The following STK32B variants were observed in gnomAD, a reference collection of about 807,000 sequenced individuals.
STK32B encodes the protein serine/threonine kinase 32B, also known as serine/threonine-protein kinase 32B.
A neutral mutation model predicts 52.6 loss-of-function variants in STK32B; 43 were observed. That is an observed-to-expected ratio of 0.82 (90% CI 0.64 to 1.05). STK32B has a LOEUF of 1.05. STK32B is among the 50% of genes least tolerant of loss of function. The probability of loss-of-function intolerance (pLI) is 0.00; values close to 1 mark genes in which losing one functional copy is unlikely to be tolerated. For synonymous variants in STK32B, 238 were observed against 204.3 expected, an observed-to-expected ratio of 1.17 and a Z score of -1.41; for missense variants, 621 against 534.6, an observed-to-expected ratio of 1.16 and a Z score of -1.59.
At chr4:5,028,987 T>C in the STK32B span, among the ~76,000 whole-genome samples, 149 of 152,268 alleles carry the variant, frequency 9.8e-4, 2 homozygotes, top group African/African-American at 3.5e-3. Context: ...GTGCCACACA[T>C]TTTTAAACAA....
In STK32B at chr4:5,348,691, A is replaced by G. The variant is rs570835666; in HGVS notation, c.434+17298A>G. ...ACAGAGCTTTGGCACAGCCACTGCC[A>G]CCTTCACCTGAGCATTCCACCAGAG... On this transcript the variant is annotated intron_variant, in intron 4 of 11. Transcript: ENST00000282908. 7.0e-4 allele frequency among the ~76,000 whole-genome samples: 106 copies of G among 152,254 alleles called. 1 individual carries two copies. In the South Asian group the frequency reaches 0.013, roughly 18 times the overall value.
At chr4:5,192,964 C>T (rs1721341937) in intron 3 of STK32B, among the ~76,000 whole-genome samples, 2 of 152,190 alleles carry the variant, frequency 1.3e-5, no homozygotes, top group South Asian at 4.1e-4. Flanking sequence ...GTGCCCAGTC[C>T]GGCCTTCGGA....
At chr4:5,463,686 C>T (rs1475865072) in intron 9 of STK32B, among the ~76,000 whole-genome samples, 1 of 152,118 alleles carries the variant, frequency 6.6e-6, no homozygotes, top group Non-Finnish European at 1.5e-5. Context: ...ACCACATGCC[C>T]ACCTACAGGG....
chr4:5,067,454 A>G (rs1742465898), intron 1 of STK32B, among the ~76,000 whole-genome samples: 1 of 152,142 alleles, frequency 6.6e-6, no homozygotes, highest in Non-Finnish European at 1.5e-5. Flanking sequence ...AGTGTCTATC[A>G]TTATAGCTGC....
chr4:5,276,181 T>C (rs1727810003), intron 3 of STK32B, among the ~76,000 whole-genome samples: 1 of 151,876 alleles, frequency 6.6e-6, no homozygotes, highest in Non-Finnish European at 1.5e-5. Flanking sequence ...CCTGGCTGCT[T>C]GGGAGGCTTA....
chr4:5,051,956 T>C, intron 1 of STK32B, 41 bp downstream of exon 1: 1 of 1,556,746 alleles, frequency 6.4e-7, no homozygotes, highest in Non-Finnish European at 8.7e-7. Context: ...TCGCGGGGCA[T>C]CCCCTTCCTC....
In STK32B at chr4:5,424,496, C is replaced by T. The variant is rs537848541; in HGVS notation, c.562+7562C>T. Among the ~76,000 whole-genome samples, 21 of 152,314 alleles carry T rather than the reference C, an allele frequency of 1.4e-4. No homozygotes were observed. The East Asian group carries it at 3.5e-3, about 25-fold the overall frequency. ...TCCCCTCTGAAGCCCATAAAAACCCCAAACTGAGCCAGACTGGGGCAGATG... is the reference window on the plus strand; with the variant it reads ...TCCCCTCTGAAGCCCATAAAAACCCTAAACTGAGCCAGACTGGGGCAGATG... On this transcript the variant is annotated intron_variant, in intron 6 of 11. Coordinates refer to ENST00000282908, the MANE Select transcript of STK32B (RefSeq NM_018401.3).
intron 4 of STK32B, among the ~76,000 whole-genome samples, chr4:5,356,725 G>A (rs972305124): frequency 5.3e-5 from 8 of 152,094 alleles, no homozygotes; most frequent in South Asian, 2.1e-4. Flanking sequence ...TGCTGGGCGC[G>A]GTGGCTCACG....
At chr4:5,270,278 C>G in intron 3 of STK32B, among the ~76,000 whole-genome samples, 1 of 152,090 alleles carries the variant, frequency 6.6e-6, no homozygotes, top group East Asian at 1.9e-4. Context: ...AGTTTGAGTC[C>G]CAAAGCTGAA....
At chr4:5,266,894 C>G (rs977518963) in intron 3 of STK32B, among the ~76,000 whole-genome samples, 2 of 152,168 alleles carry the variant, frequency 1.3e-5, no homozygotes, top group Admixed American at 1.3e-4. Flanking sequence ...GCTCATAATT[C>G]CTGTTCAACT....
chr4:5,382,058 C>T (rs969445591), intron 4 of STK32B, among the ~76,000 whole-genome samples: 10 of 152,270 alleles, frequency 6.6e-5, no homozygotes, highest in East Asian at 1.9e-4. Flanking sequence ...TTGCGAGAGG[C>T]CAGTTTCTGT....
intron 7 of STK32B, among the ~76,000 whole-genome samples, chr4:5,455,472 A>G (rs1291378024): frequency 1.3e-5 from 2 of 152,214 alleles, no homozygotes; most frequent in Admixed American, 6.5e-5. Flanking sequence ...GCATGGAGAT[A>G]AGGGGAGTTC....
At chr4:5,235,320 T>C (rs1307913570) in intron 3 of STK32B, among the ~76,000 whole-genome samples, 1 of 152,210 alleles carries the variant, frequency 6.6e-6, no homozygotes, top group Non-Finnish European at 1.5e-5. Flanking sequence ...CAGGAATACA[T>C]GATTTTGAAT....
intron 3 of STK32B, among the ~76,000 whole-genome samples, chr4:5,217,357 G>T (rs1351538332): frequency 6.6e-6 from 1 of 152,150 alleles, no homozygotes; most frequent in African/African-American, 2.4e-5. Flanking sequence ...TATGAGAAAG[G>T]AAGTCTGCAG....
At chr4:5,036,416 C>T in the STK32B span, among the ~76,000 whole-genome samples, 1 of 152,078 alleles carries the variant, frequency 6.6e-6, no homozygotes, top group Non-Finnish European at 1.5e-5. Flanking sequence ...CAAATTGGGT[C>T]CAGGTGTCTC....
intron 1 of STK32B, among the ~76,000 whole-genome samples, chr4:5,091,263 G>A (rs767584836): frequency 7.9e-5 from 12 of 151,916 alleles, no homozygotes; most frequent in South Asian, 2.1e-4. Context: ...TTTATGCATC[G>A]AAGGACACTA....
intron 6 of STK32B, among the ~76,000 whole-genome samples, chr4:5,443,170 A>G (rs531156425): frequency 6.0e-5 from 9 of 149,828 alleles, no homozygotes; most frequent in African/African-American, 9.8e-5. Flanking sequence ...AGATTGGGGA[A>G]GTTCTCCTGG....
At chr4:5,074,126 T>A (rs1015392637) in intron 1 of STK32B, among the ~76,000 whole-genome samples, 1 of 151,938 alleles carries the variant, frequency 6.6e-6, no homozygotes, top group Non-Finnish European at 1.5e-5. Context: ...TAACATGTAT[T>A]TCAGACCACT....
chr4:5,170,806 A>C (rs1189554025), intron 3 of STK32B, among the ~76,000 whole-genome samples: 1 of 152,134 alleles, frequency 6.6e-6, no homozygotes, highest in Non-Finnish European at 1.5e-5. Flanking sequence ...ATGATTTATA[A>C]TCCTTTGGGT....
Sources: gnomAD v4.1 joint callset for allele counts (sites outside exome capture counted in the v4.1 genomes callset) on GRCh38, gnomAD v4.1.1 for gene constraint, MANE v1.5 for transcripts, NCBI Gene and HGNC (gene_info 2026-07-23, HGNC 2026-07-21) for gene names.